Variants in FNDC3A observed in about 807,000 individuals in gnomAD.
The protein encoded by FNDC3A is fibronectin type-III domain-containing protein 3A.
Under a neutral mutation model 148.9 loss-of-function variants are expected in FNDC3A, and 32 were observed. The ratio of observed to expected loss-of-function variants is 0.21; its 90% CI spans 0.16 to 0.29. The LOEUF (loss-of-function observed/expected upper bound fraction) is 0.29, where lower values mean the gene tolerates loss of function less well. Among genes scored for constraint, FNDC3A ranks in the 10% least tolerant of loss-of-function variants. FNDC3A has a pLI of 1.00. For missense variants in FNDC3A, 1,191 were observed against 1,452.8 expected (o/e 0.82, Z 2.93); for synonymous variants, 472 against 473.6 (o/e 1.00, Z 0.04).
Position 49,168,705 on chromosome 13 carries a change from C to T in FNDC3A, c.1130C>T (p.Pro377Leu). The change falls in exon 10 of 26, where the codon CCA becomes CTA. Residue 377 changes from proline (P) to leucine (L), a missense_variant. Transcript: ENST00000492622. ...LSCEPDIPNP[P>L]RIANRTKNSL... ...TGTGAACCTGATATACCTAATCCACCAAGGATAGCCAATCGGACCAAAAAT... is the reference window on the plus strand; with the variant it reads ...TGTGAACCTGATATACCTAATCCACTAAGGATAGCCAATCGGACCAAAAAT... 1 of 1,613,344 alleles carries T rather than the reference C, an allele frequency of 6.2e-7. No individual in the cohort carries two copies. The highest frequency in any genetic ancestry group is 8.5e-7 in the Non-Finnish European group (1 of 1,179,474).
intron 8 of FNDC3A, among the ~76,000 whole-genome samples, chr13:49,164,560 A>G (rs1488351486): frequency 6.6e-6 from 1 of 151,492 alleles, no homozygotes; most frequent in Non-Finnish European, 1.5e-5. Flanking sequence ...TGGTTGCTTT[A>G]TAGTGTCTCA....
intron 3 of FNDC3A, among the ~76,000 whole-genome samples, chr13:49,099,643 ACTCT>A (rs948978560): frequency 4.6e-5 from 7 of 152,202 alleles, no homozygotes; most frequent in Non-Finnish European, 7.4e-5. Context: ...CTTGCAGTAA[ACTCT>A]CTCAGCAATA....
intron 8 of FNDC3A, among the ~76,000 whole-genome samples, chr13:49,152,787 C>A (rs1451428549): frequency 6.6e-6 from 1 of 150,712 alleles, no homozygotes; most frequent in Non-Finnish European, 1.5e-5. Flanking sequence ...TTTGTTCTTG[C>A]GATAGTTTAC....
At chr13:49,182,471 A>C (rs529692265) in intron 14 of FNDC3A, among the ~76,000 whole-genome samples, 10 of 152,032 alleles carry the variant, frequency 6.6e-5, no homozygotes, top group Admixed American at 6.5e-4. Flanking sequence ...CTATAATCCT[A>C]GGCCACTAGA....
At chr13:48,991,250 A>G (rs1283688939) in intron 1 of FNDC3A, among the ~76,000 whole-genome samples, 1 of 152,258 alleles carries the variant, frequency 6.6e-6, no homozygotes, top group African/African-American at 2.4e-5. Context: ...CCATGCTTAC[A>G]CTATCCAAAA....
intron 2 of FNDC3A, among the ~76,000 whole-genome samples, chr13:49,026,027 T>C (rs1446280410): frequency 6.6e-6 from 1 of 152,236 alleles, no homozygotes; most frequent in Non-Finnish European, 1.5e-5. Context: ...AAATGTTTAC[T>C]AGTAGGGAAA....
chr13:49,034,766 G>C (rs1247520461), intron 2 of FNDC3A, among the ~76,000 whole-genome samples: 1 of 151,936 alleles, frequency 6.6e-6, no homozygotes, highest in African/African-American at 2.4e-5. Flanking sequence ...GTTTATACTG[G>C]AAGCATTACA....
At position 49,094,248 on chromosome 13, in the gene FNDC3A, G is replaced by A. The variant is rs577621343; in HGVS notation, c.175+18884G>A. Among the ~76,000 whole-genome samples the A allele has an allele frequency of 6.2e-4, 95 of 152,126 alleles. 1 individual carries two copies. The highest frequency in any genetic ancestry group is 3.5e-3 in the South Asian group (17 of 4,818). ...AGAGTTAATAACAATAGGCGTAAAA[G>A]GTGTGTGCTTTAAACCTTAACCTAA... On this transcript the variant is annotated intron_variant, in intron 3 of 25. Coordinates refer to ENST00000492622, the MANE Select transcript of FNDC3A (RefSeq NM_001079673.2).
At chr13:49,023,962 A>G (rs1873515869) in intron 2 of FNDC3A, among the ~76,000 whole-genome samples, 1 of 152,018 alleles carries the variant, frequency 6.6e-6, no homozygotes, top group African/African-American at 2.4e-5. Context: ...AGTTTCTTGA[A>G]AAGATTAACA....
intron 2 of FNDC3A, among the ~76,000 whole-genome samples, chr13:49,071,842 T>C (rs1441488524): frequency 6.6e-6 from 1 of 152,052 alleles, no homozygotes; most frequent in Non-Finnish European, 1.5e-5. Flanking sequence ...GTCTCTTCAC[T>C]TTGTTTCTAT....
intron 2 of FNDC3A, among the ~76,000 whole-genome samples, chr13:49,068,862 T>A (rs1877451315): frequency 6.6e-6 from 1 of 151,932 alleles, no homozygotes; most frequent in Non-Finnish European, 1.5e-5. Flanking sequence ...TGAGAACACA[T>A]GGACATAAAG....
intron 1 of FNDC3A, among the ~76,000 whole-genome samples, chr13:48,994,850 G>A (rs1287191996): frequency 6.6e-6 from 1 of 152,120 alleles, no homozygotes; most frequent in East Asian, 1.9e-4. Context: ...CTGCAAGACA[G>A]GAAGTGGGGT....
At chr13:49,146,189 G>A (rs1487346161) in intron 8 of FNDC3A, 2 of 382,416 alleles carry the variant, frequency 5.2e-6, no homozygotes, top group Non-Finnish European at 9.4e-6. Flanking sequence ...CTAATAGATG[G>A]TTCAGTATTC....
intron 3 of FNDC3A, among the ~76,000 whole-genome samples, chr13:49,101,654 C>T (rs9591239): frequency 6.6e-6 from 1 of 152,078 alleles, no homozygotes; most frequent in Admixed American, 6.6e-5. Flanking sequence ...CAATCTCTTT[C>T]TGCAAATCAA....
At chr13:49,008,381 T>C (rs1952264709) in intron 2 of FNDC3A, among the ~76,000 whole-genome samples, 1 of 152,210 alleles carries the variant, frequency 6.6e-6, no homozygotes, top group Non-Finnish European at 1.5e-5. Flanking sequence ...CGCCAAGTTA[T>C]AGCTTACCTA....
chr13:49,013,779 G>C (rs1952426164), intron 2 of FNDC3A, among the ~76,000 whole-genome samples: 1 of 127,634 alleles, frequency 7.8e-6, no homozygotes, highest in Non-Finnish European at 1.6e-5. Flanking sequence ...CCCAGAGTGT[G>C]ATGTTCCCCT....
intron 3 of FNDC3A, among the ~76,000 whole-genome samples, chr13:49,082,442 G>A (rs142591872): frequency 1.8e-4 from 28 of 152,108 alleles, no homozygotes; most frequent in African/African-American, 2.4e-4. Context: ...AAAGTTCTAC[G>A]TTTTGATTTT....
chr13:49,073,953 A>T (rs1877918453), intron 2 of FNDC3A, among the ~76,000 whole-genome samples: 2 of 151,626 alleles, frequency 1.3e-5, no homozygotes, highest in Non-Finnish European at 2.9e-5. Context: ...TCATATTTTA[A>T]TATCCTATTT....
At chr13:48,986,386 T>G (rs907056689) in intron 1 of FNDC3A, among the ~76,000 whole-genome samples, 1 of 15,234 alleles carries the variant, frequency 6.6e-5, no homozygotes, top group African/African-American at 2.6e-4. Context: ...AAGGAAGTTG[T>G]TTTTTTTTTT....
Sources: allele counts gnomAD v4.1 joint callset (sites outside exome capture counted in the v4.1 genomes callset), GRCh38; gene constraint gnomAD v4.1.1; transcripts MANE v1.5; gene names NCBI Gene and HGNC (gene_info 2026-07-23, HGNC 2026-07-21).